PRIM2: variants seen among roughly 807,000 people sequenced by gnomAD.
The protein encoded by PRIM2 is DNA primase large subunit.
PRIM2 carries 39 observed loss-of-function variants against 67.3 expected under a neutral mutation model. The observed-to-expected ratio is 0.58, with a 90% CI of 0.45 to 0.76. PRIM2 has a LOEUF of 0.76. PRIM2 is among the 30% of genes least tolerant of loss of function. PRIM2 has a pLI of 0.00. For missense variants in PRIM2, 398 were observed against 598.7 expected (o/e 0.66, Z 3.50); for synonymous variants, 143 against 198.7 (o/e 0.72, Z 2.36).
intron 12 of PRIM2, among the ~76,000 whole-genome samples, chr6:57,615,017 T>C (rs1776730325): frequency 6.6e-6 from 1 of 152,220 alleles, no homozygotes; most frequent in African/African-American, 2.4e-5. Context: ...ATGTCTGAAG[T>C]TTCTAATTAT....
At chr6:57,429,022 C>T (rs114346801) in intron 7 of PRIM2, among the ~76,000 whole-genome samples, 8,031 of 152,236 alleles carry the variant, frequency 0.053, 399 homozygotes, top group African/African-American at 0.13. Context: ...TTCCTTTATA[C>T]CATCTCTGCA....
chr6:57,634,489 G>A (rs1247950951), intron 13 of PRIM2, among the ~76,000 whole-genome samples: 461 of 152,348 alleles, frequency 3.0e-3, no homozygotes, highest in African/African-American at 0.011. Flanking sequence ...GCAACACCAG[G>A]TTTATATGAC....
At chr6:57,533,370 A>C (rs1417571062) in intron 9 of PRIM2, among the ~76,000 whole-genome samples, 2 of 152,242 alleles carry the variant, frequency 1.3e-5, no homozygotes, top group Non-Finnish European at 2.9e-5. Context: ...AAAAATACAC[A>C]GGGATTTTAA....
the PRIM2 span, among the ~76,000 whole-genome samples, chr6:57,253,813 T>G: frequency 1.8e-4 from 27 of 152,356 alleles, 1 homozygote; most frequent in African/African-American, 6.5e-4. Context: ...CTTGTGCTAT[T>G]GTAAACAGAT....
At chr6:57,639,518 GAAGAA>G (rs1472582544) in intron 13 of PRIM2, among the ~76,000 whole-genome samples, 26 of 151,650 alleles carry the variant, frequency 1.7e-4, no homozygotes, top group African/African-American at 5.6e-4. Flanking sequence ...GACTAACAAA[GAAGAA>G]AAGAGAGAAG....
intron 7 of PRIM2, among the ~76,000 whole-genome samples, chr6:57,479,062 C>T (rs1266405823): frequency 2.0e-5 from 3 of 152,200 alleles, no homozygotes; most frequent in Non-Finnish European, 2.9e-5. Flanking sequence ...AGGAGAGTTG[C>T]TTGAACCTGG....
At chr6:57,502,763 C>CA (rs1276052416) in intron 7 of PRIM2, among the ~76,000 whole-genome samples, 1 of 152,166 alleles carries the variant, frequency 6.6e-6, no homozygotes, top group Non-Finnish European at 1.5e-5. Context: ...GCTTCTCCTT[C>CA]CAGATTTATG....
the PRIM2 span, among the ~76,000 whole-genome samples, chr6:57,226,053 T>TAAAA: frequency 6.6e-6 from 1 of 151,840 alleles, no homozygotes; most frequent in Non-Finnish European, 1.5e-5. Flanking sequence ...ATTTATCCAT[T>TAAAA]AAAAAAAATA....
intron 8 of PRIM2, among the ~76,000 whole-genome samples, chr6:57,518,800 C>T (rs1554348546): frequency 3.3e-5 from 5 of 152,172 alleles, no homozygotes; most frequent in Middle Eastern, 3.2e-3. Flanking sequence ...TTTATGCAAT[C>T]AGGAACTAAT....
intron 7 of PRIM2, among the ~76,000 whole-genome samples, chr6:57,449,963 A>G (rs1772488313): frequency 6.6e-6 from 1 of 152,192 alleles, no homozygotes; most frequent in Admixed American, 6.5e-5. Context: ...ACACAAAGGA[A>G]CAAGATTAAT....
the PRIM2 span, among the ~76,000 whole-genome samples, chr6:57,245,092 C>G: frequency 6.6e-6 from 1 of 152,096 alleles, no homozygotes; most frequent in African/African-American, 2.4e-5. Context: ...CTTCCTCTCT[C>G]CACTGTTTCT....
chr6:57,273,218 A>G, the PRIM2 span, among the ~76,000 whole-genome samples: 23,503 of 152,092 alleles, frequency 0.15, 2,143 homozygotes, highest in African/African-American at 0.25. Context: ...ATCCTGCAGA[A>G]TATTTTCCAA....
At chr6:57,364,296 T>G (rs1769284571) in intron 5 of PRIM2, among the ~76,000 whole-genome samples, 1 of 152,200 alleles carries the variant, frequency 6.6e-6, no homozygotes, top group Admixed American at 6.5e-5. Flanking sequence ...TTTAACTGGT[T>G]ATTGCCCTCC....
chr6:57,584,880 A>T (rs1776160760), intron 10 of PRIM2, among the ~76,000 whole-genome samples: 1 of 152,254 alleles, frequency 6.6e-6, no homozygotes, highest in African/African-American at 2.4e-5. Context: ...ATTGCCTAAC[A>T]TAATTCAGCT....
intron 7 of PRIM2, among the ~76,000 whole-genome samples, chr6:57,470,888 G>A (rs1363838735): frequency 6.6e-6 from 1 of 152,034 alleles, no homozygotes; most frequent in Non-Finnish European, 1.5e-5. Context: ...CCCTCTCTAC[G>A]TACGTATACA....
intron 5 of PRIM2, among the ~76,000 whole-genome samples, chr6:57,368,637 C>T (rs1277079567): frequency 2.0e-5 from 3 of 152,112 alleles, no homozygotes; most frequent in Non-Finnish European, 4.4e-5. Flanking sequence ...ATCCGTTCCA[C>T]ATTTTGGGGA....
At chr6:57,626,321 G>A (rs1462713281) in intron 12 of PRIM2, among the ~76,000 whole-genome samples, 1 of 152,316 alleles carries the variant, frequency 6.6e-6, no homozygotes, top group South Asian at 2.1e-4. Flanking sequence ...TGTTGTGTGT[G>A]TATAAAAAGA....
At chr6:57,239,075 C>A in the PRIM2 span, among the ~76,000 whole-genome samples, 3 of 152,144 alleles carry the variant, frequency 2.0e-5, no homozygotes, top group African/African-American at 7.2e-5. Context: ...ACTGCAACTT[C>A]TGCCTCCTGA....
the PRIM2 span, among the ~76,000 whole-genome samples, chr6:57,259,258 T>C: frequency 6.6e-6 from 1 of 152,178 alleles, no homozygotes; most frequent in African/African-American, 2.4e-5. Context: ...AGTAGTATCT[T>C]TGAGTCATCT....
Sources: allele counts gnomAD v4.1 joint callset (sites outside exome capture counted in the v4.1 genomes callset), GRCh38; gene constraint gnomAD v4.1.1; transcripts MANE v1.5; gene names NCBI Gene and HGNC (gene_info 2026-07-23, HGNC 2026-07-21).